The following DOCK8 variants were observed in gnomAD, a reference collection of about 807,000 sequenced individuals.
The protein encoded by DOCK8 is dedicator of cytokinesis 8, also known as dedicator of cytokinesis protein 8.
Under a neutral mutation model 245.6 loss-of-function variants are expected in DOCK8, and 141 were observed. That is an observed-to-expected ratio of 0.57 (90% CI 0.50 to 0.66). The LOEUF (loss-of-function observed/expected upper bound fraction) is 0.66, where lower values mean the gene tolerates loss of function less well. DOCK8 is among the 30% of genes least tolerant of loss of function. The pLI, the probability that DOCK8 is intolerant of heterozygous loss-of-function variation, is 0.00. For synonymous variants in DOCK8, 1,168 were observed against 970.2 expected, an observed-to-expected ratio of 1.20 and a Z score of -3.79; for missense variants, 2,965 against 2,603.4, an observed-to-expected ratio of 1.14 and a Z score of -3.02.
In DOCK8 at chr9:311,636, C is replaced by G. The variant is rs1020447702; in HGVS notation, c.529-318C>G. ...CATGGTTCATTAAGAGGCTTGGCCC[C>G]CCCAGCCCCAGGAAAGAACAAGCCA... On this transcript the variant is annotated intron_variant, in intron 5 of 47. Transcript: ENST00000432829. 2.0e-5 allele frequency among the ~76,000 whole-genome samples: 3 copies of G among 152,276 alleles called. No individual in the cohort carries two copies. The East Asian group carries it at 5.8e-4, about 29-fold the overall frequency.
intron 2 of DOCK8, among the ~76,000 whole-genome samples, chr9:275,045 A>T (rs958815176): frequency 6.6e-6 from 1 of 152,212 alleles, no homozygotes; most frequent in Non-Finnish European, 1.5e-5. Flanking sequence ...TGAATCTGGG[A>T]TGAGGTACAG....
At chr9:311,306 C>G (rs1167705395) in intron 5 of DOCK8, among the ~76,000 whole-genome samples, 1 of 148,130 alleles carries the variant, frequency 6.8e-6, no homozygotes, top group African/African-American at 2.5e-5. Context: ...AAAAGGTAAT[C>G]ATACCTCACT....
intron 5 of DOCK8, among the ~76,000 whole-genome samples, chr9:309,094 C>G (rs1421145192): frequency 6.6e-6 from 1 of 152,200 alleles, no homozygotes; most frequent in African/African-American, 2.4e-5. Flanking sequence ...TGCCCTTGCC[C>G]TCACATTCTT....
chr9:374,453 G>GTTTTTTTTT (rs762085208), intron 18 of DOCK8, among the ~76,000 whole-genome samples: 1 of 75,352 alleles, frequency 1.3e-5, no homozygotes, highest in Non-Finnish European at 2.3e-5. Context: ...GTCCTTTTGT[G>GTTTTTTTTT]TTTTTTTTTT....
intron 40 of DOCK8, 106 bp from the exon 41 acceptor site, chr9:441,180 C>T (rs1386314510): frequency 6.6e-7 from 1 of 1,521,876 alleles, no homozygotes; most frequent in Non-Finnish European, 9.1e-7. Context: ...TGTGATACAA[C>T]AATAAATTCA....
intron 23 of DOCK8, among the ~76,000 whole-genome samples, chr9:389,443 T>A (rs538265562): frequency 4.8e-4 from 73 of 152,184 alleles, no homozygotes; most frequent in Non-Finnish European, 6.6e-4. Flanking sequence ...CTGATACTAC[T>A]ATGCCTTTCA....
chr9:297,951 T>A lies in DOCK8; in HGVS notation c.405-6630T>A, dbSNP rs138250386. The stretch of plus-strand genomic sequence containing the variant: ...GAACTGAACTTTTAACATTATTGTG[T>A]AACTCATTTGTTAATGCCTATTTGT... On this transcript the variant is annotated intron_variant, in intron 4 of 47. Transcript: ENST00000432829. Among the ~76,000 whole-genome samples the A allele has an allele frequency of 3.3e-3, 497 of 152,336 alleles. 6 individuals carry two copies. The highest frequency in any genetic ancestry group is 0.011 in the African/African-American group (469 of 41,578).
At chr9:212,294 A>C (rs1049158977), upstream of DOCK8, among the ~76,000 whole-genome samples, 1 of 152,178 alleles carries the variant, frequency 6.6e-6, no homozygotes, top group African/African-American at 2.4e-5. Flanking sequence ...GATGTGGGGA[A>C]AACTAGAGCA....
In DOCK8 at chr9:269,295, A is replaced by G. The variant is rs535636644; in HGVS notation, c.54-2332A>G. 4.6e-5 allele frequency among the ~76,000 whole-genome samples: 7 copies of G among 152,308 alleles called. No individual in the cohort carries two copies. The South Asian group carries it at 1.4e-3, about 32-fold the overall frequency. ...TTGCAATTCTGGGCATTTCATATAAAGAATCATAGAACATGTGGTCTTTTG... is the reference window on the plus strand; with the variant it reads ...TTGCAATTCTGGGCATTTCATATAAGGAATCATAGAACATGTGGTCTTTTG... On this transcript the variant is annotated intron_variant, in intron 1 of 47. Coordinates refer to ENST00000432829, the MANE Select transcript of DOCK8 (RefSeq NM_203447.4).
Position 433,884 on chromosome 9 carries a change from C to A in DOCK8, c.4795C>A (p.Leu1599Ile). The A allele has an allele frequency of 6.2e-7, 1 of 1,613,848 alleles. No individual in the cohort carries two copies. Among genetic ancestry groups the A allele is most frequent in the Non-Finnish European group, 8.5e-7 (1 of 1,179,764 alleles). Residue 1599 changes from leucine (L) to isoleucine (I), a missense_variant, in exon 38 of 48, where the codon CTT becomes ATT. Around this residue, in one of 3 missense-constraint regions of DOCK8, gnomAD observed 2,825 missense variants for 2,453.5 expected, o/e 1.15. Transcript: ENST00000432829. Reference sequence around the variant, plus strand: ...CTTACACTTTTTGCAGGTGGAGGAACTTCTCTGTAATCTGAATAGCATCTT... The same window carrying A: ...CTTACACTTTTTGCAGGTGGAGGAAATTCTCTGTAATCTGAATAGCATCTT... ...MTPFPTQVEE[L>I]LCNLNSILYD... is the part of the protein sequence containing the mutation.
intron 24 of DOCK8, among the ~76,000 whole-genome samples, chr9:391,271 A>C (rs1347167627): frequency 6.6e-6 from 1 of 152,080 alleles, no homozygotes; most frequent in Non-Finnish European, 1.5e-5. Context: ...ATCTTCCTCT[A>C]TTATCCTCCT....
rs1564010080 is a variant in DOCK8 at position 399,280 on chromosome 9, C to CA, written c.3234+22dup. On this transcript the variant is annotated intron_variant, in intron 26 of 47. Coordinates refer to ENST00000432829, the MANE Select transcript of DOCK8 (RefSeq NM_203447.4). ...GCCAGGTGAGTGTCCCCCCCACCCC[C>CA]ACCCCCGAGCGAGCCACTTGGTTCC... The CA allele has an allele frequency of 5.3e-6, 8 of 1,514,368 alleles. No individual in the cohort carries two copies. In the Admixed American group the frequency reaches 7.1e-5, roughly 14 times the overall value. 93.8% of individuals were successfully genotyped at this position (1,514,368 alleles called of 1,614,324 possible).
intron 6 of DOCK8, among the ~76,000 whole-genome samples, chr9:315,667 G>T (rs1043673286): frequency 6.6e-6 from 1 of 152,176 alleles, no homozygotes; most frequent in African/African-American, 2.4e-5. Flanking sequence ...GAGAAAGGTG[G>T]TAAGTGGGTA....
At chr9:354,263 T>C (rs925763786) in intron 14 of DOCK8, among the ~76,000 whole-genome samples, 6 of 152,016 alleles carry the variant, frequency 3.9e-5, no homozygotes, top group Admixed American at 2.0e-4. Context: ...ACCCGAGAGG[T>C]GGAGGTTGCA....
At chr9:241,871 C>A (rs935597369) in intron 1 of DOCK8, among the ~76,000 whole-genome samples, 4 of 152,108 alleles carry the variant, frequency 2.6e-5, no homozygotes, top group Non-Finnish European at 4.4e-5. Flanking sequence ...ACTTCAGCCT[C>A]CTGAGTAGCT....
chr9:282,334 G>A (rs1050978442), intron 2 of DOCK8, among the ~76,000 whole-genome samples: 1 of 152,014 alleles, frequency 6.6e-6, no homozygotes, highest in African/African-American at 2.4e-5. Flanking sequence ...AGATAACAGG[G>A]GCCGTTATCA....
At chr9:337,717 T>G (rs776572547) in intron 12 of DOCK8, among the ~76,000 whole-genome samples, 2 of 152,168 alleles carry the variant, frequency 1.3e-5, no homozygotes, top group African/African-American at 2.4e-5. Flanking sequence ...GAATGACGGT[T>G]GCCAGGGTCT....
intron 1 of DOCK8, among the ~76,000 whole-genome samples, chr9:221,059 T>G (rs2046871334): frequency 6.6e-6 from 1 of 152,186 alleles, no homozygotes; most frequent in East Asian, 1.9e-4. Context: ...TGGTACCATT[T>G]GCTGTATCGA....
At chr9:289,620 A>T in intron 4 of DOCK8, 39 bp downstream of exon 4, 1 of 1,498,654 alleles carries the variant, frequency 6.7e-7, no homozygotes, top group Admixed American at 1.7e-5. Flanking sequence ...TATAAATATT[A>T]ATTTTATATT....
Sources: gnomAD v4.1 joint callset for allele counts (sites outside exome capture counted in the v4.1 genomes callset) on GRCh38, gnomAD v4.1.1 for gene constraint, gnomAD v4.1.1 regional missense constraint, MANE v1.5 for transcripts, NCBI Gene and HGNC (gene_info 2026-07-23, HGNC 2026-07-21) for gene names.